Variants in HECW2 observed in about 807,000 individuals in gnomAD.
The protein encoded by HECW2 is E3 ubiquitin-protein ligase HECW2.
A neutral mutation model predicts 175.2 loss-of-function variants in HECW2; 61 were observed. The observed-to-expected ratio is 0.35, with a 90% CI of 0.28 to 0.43. The LOEUF is 0.43. Among genes scored for constraint, HECW2 ranks in the 20% least tolerant of loss-of-function variants. HECW2 has a pLI of 1.00. For missense variants in HECW2, 1,524 were observed against 2,000.5 expected (o/e 0.76, Z 4.54); for synonymous variants, 671 against 731.0 (o/e 0.92, Z 1.32).
chr2:196,352,770 G>C (rs572056125), intron 2 of HECW2, among the ~76,000 whole-genome samples: 4 of 152,244 alleles, frequency 2.6e-5, no homozygotes, highest in African/African-American at 9.6e-5. Context: ...TAAACTATTT[G>C]ATTAAACACT....
intron 13 of HECW2, among the ~76,000 whole-genome samples, chr2:196,293,531 C>T (rs1196130144): frequency 6.6e-6 from 1 of 152,034 alleles, no homozygotes; most frequent in Middle Eastern, 3.2e-3. Context: ...AATGGGATTG[C>T]TGGGTCAAAT....
At chr2:196,204,198 T>C (rs1427397888) in intron 28 of HECW2, among the ~76,000 whole-genome samples, 4 of 152,186 alleles carry the variant, frequency 2.6e-5, no homozygotes, top group Non-Finnish European at 2.9e-5. Context: ...AGTCCTCCTT[T>C]TCAATTTTTT....
chr2:196,458,451 C>CAT (rs1287543249), intron 1 of HECW2, among the ~76,000 whole-genome samples: 1 of 151,804 alleles, frequency 6.6e-6, no homozygotes, highest in Admixed American at 6.6e-5. Context: ...CACACACACA[C>CAT]ACACACACAT....
chr2:196,217,678 T>A (rs1687525454), intron 26 of HECW2: 1 of 152,262 alleles, frequency 6.6e-6, no homozygotes, highest in African/African-American at 2.4e-5. Context: ...CTTTAGTTCC[T>A]TAAATAAATC....
chr2:196,206,170 A>G (rs1168879533), intron 28 of HECW2, among the ~76,000 whole-genome samples: 1 of 152,154 alleles, frequency 6.6e-6, no homozygotes, highest in Admixed American at 6.5e-5. Flanking sequence ...ATAAAAGAAC[A>G]TTTTTCAAAT....
chr2:196,330,870 C>T (rs979878145), intron 4 of HECW2, among the ~76,000 whole-genome samples: 1 of 152,082 alleles, frequency 6.6e-6, no homozygotes, highest in African/African-American at 2.4e-5. Flanking sequence ...TCTCTTTTCC[C>T]CTAATGCAAT....
intron 19 of HECW2, among the ~76,000 whole-genome samples, chr2:196,246,487 C>A (rs188229174): frequency 1.2e-3 from 178 of 152,228 alleles, no homozygotes; most frequent in East Asian, 9.9e-3. Flanking sequence ...CGGGTTCATG[C>A]CATTCTCCTG....
At chr2:196,382,378 C>G (rs551247805) in intron 2 of HECW2, among the ~76,000 whole-genome samples, 1 of 151,782 alleles carries the variant, frequency 6.6e-6, no homozygotes, top group South Asian at 2.1e-4. Flanking sequence ...TGAAAGGAAA[C>G]CTGTCAAACT....
At chr2:196,404,506 G>A (rs1425571263) in intron 2 of HECW2, among the ~76,000 whole-genome samples, 2 of 152,174 alleles carry the variant, frequency 1.3e-5, no homozygotes, top group African/African-American at 2.4e-5. Flanking sequence ...CAGAATTAGT[G>A]TCACTTTTTA....
intron 3 of HECW2, 125 bp from the exon 4 acceptor site, chr2:196,334,643 TC>T: frequency 2.8e-6 from 2 of 716,182 alleles, no homozygotes; most frequent in South Asian, 3.6e-5. Context: ...ACCTCTTTTT[TC>T]CACTCAGCGC....
intron 1 of HECW2, among the ~76,000 whole-genome samples, chr2:196,582,182 T>C (rs975972359): frequency 6.6e-5 from 10 of 152,128 alleles, no homozygotes; most frequent in Admixed American, 5.2e-4. Context: ...TTCACCTGGT[T>C]TTCACTCTCA....
intron 1 of HECW2, among the ~76,000 whole-genome samples, chr2:196,561,413 T>G (rs1443636366): frequency 6.6e-6 from 1 of 152,222 alleles, no homozygotes; most frequent in Non-Finnish European, 1.5e-5. Context: ...ATTCTAGTTT[T>G]GCCCTGACCT....
At chr2:196,317,037 T>C (rs1384562786) in intron 10 of HECW2, 2 of 460,248 alleles carry the variant, frequency 4.3e-6, no homozygotes, top group Non-Finnish European at 3.9e-6. Flanking sequence ...CCTCCATTAT[T>C]ATTTACCCCA....
intron 1 of HECW2, among the ~76,000 whole-genome samples, chr2:196,436,913 G>C (rs1412561894): frequency 1.3e-5 from 2 of 151,978 alleles, no homozygotes; most frequent in Admixed American, 1.3e-4. Context: ...CAAATTTGTG[G>C]GGACAATAAA....
At chr2:196,354,031 C>G (rs1439767154) in intron 2 of HECW2, among the ~76,000 whole-genome samples, 1 of 152,160 alleles carries the variant, frequency 6.6e-6, no homozygotes, top group Non-Finnish European at 1.5e-5. Context: ...CCACCGAATG[C>G]AAGTAATCAA....
intron 2 of HECW2, among the ~76,000 whole-genome samples, chr2:196,365,370 C>T (rs1055547219): frequency 1.3e-5 from 2 of 152,202 alleles, no homozygotes; most frequent in South Asian, 4.1e-4. Context: ...TCCTGAAAAT[C>T]CCATTATGAA....
intron 1 of HECW2, among the ~76,000 whole-genome samples, chr2:196,494,886 A>G (rs1198329129): frequency 6.6e-6 from 1 of 152,146 alleles, no homozygotes; most frequent in Non-Finnish European, 1.5e-5. Flanking sequence ...AGATTCTCTT[A>G]TTACAAATCC....
intron 1 of HECW2, among the ~76,000 whole-genome samples, chr2:196,552,581 A>G (rs569678262): frequency 1.1e-4 from 16 of 152,340 alleles, no homozygotes; most frequent in African/African-American, 3.8e-4. Context: ...CAGTTCTTTT[A>G]TTGTTCCCTA....
At chr2:196,221,062 A>G (rs965863450) in intron 24 of HECW2, 121 bp from the exon 25 acceptor site, 11 of 1,037,840 alleles carry the variant, frequency 1.1e-5, no homozygotes, top group Non-Finnish European at 1.6e-5. Flanking sequence ...GGCACATCCC[A>G]CAAGCTGGCA....
Sources: allele counts gnomAD v4.1 joint callset (sites outside exome capture counted in the v4.1 genomes callset), GRCh38; gene constraint gnomAD v4.1.1; transcripts MANE v1.5; gene names NCBI Gene and HGNC (gene_info 2026-07-23, HGNC 2026-07-21).